Variants in ZYX observed in about 807,000 individuals in gnomAD.
ZYX encodes zyxin, also known as zyxin-2.
ZYX carries 37 observed loss-of-function variants against 58.1 expected under a neutral mutation model. The ratio of observed to expected loss-of-function variants is 0.64; its 90% CI spans 0.49 to 0.84. ZYX has a LOEUF of 0.84. Ranked by LOEUF, ZYX falls within the 40% of genes least tolerant of loss-of-function variation. ZYX has a pLI of 0.00. For missense variants in ZYX, 762 were observed against 761.6 expected (o/e 1.00, Z -0.01); for synonymous variants, 324 against 321.1 (o/e 1.01, Z -0.10).
chr7:143,382,931 A>AGGTTCC lies in ZYX; in HGVS notation c.635_640dup (p.Val212_Pro213dup). ...CCTTCCAGCTCCCAGCCTCTGCCCC[A>AGGTTCC]GGTTCCGGCTCCGGCTCAGAGCCAG... On this transcript the variant is annotated inframe_insertion, in exon 5 of 10. Transcript: ENST00000322764. 5 of 1,613,964 alleles carry AGGTTCC rather than the reference A, an allele frequency of 3.1e-6. No individual in the cohort carries two copies. Among genetic ancestry groups the AGGTTCC allele is most frequent in the South Asian group, 2.2e-5 (2 of 91,058 alleles).
At position 143,382,382 on chromosome 7, in the gene ZYX, C is replaced by T. The variant is rs1804653513; in HGVS notation, c.343C>T (p.Pro115Ser). The T allele has an allele frequency of 6.3e-7, 1 of 1,582,186 alleles. No homozygotes were observed. The highest frequency in any genetic ancestry group is 1.7e-4 in the Middle Eastern group (1 of 5,906). Residue 115 changes from proline (P) to serine (S), a missense_variant, in exon 3 of 10, where the codon CCT becomes TCT. Physicochemically the swap from Pro to Ser is moderately conservative, Grantham distance 74. Transcript: ENST00000322764. The part of the protein sequence containing the change: ...PPAPLEEEIF[P>S]SPPPPPEEEG... ...TGCGCCTCTGGAGGAGGAGATCTTCCCTTCCCCGCCGCCTCCTCCGGAGGA... is the reference window on the plus strand; with the variant it reads ...TGCGCCTCTGGAGGAGGAGATCTTCTCTTCCCCGCCGCCTCCTCCGGAGGA...
rs59995035 is a variant in ZYX, at chr7:143,385,660, C to CTTTTTTTTTTTTTTTTT, written c.1023+2348_1023+2364dup. On this transcript the variant is annotated intron_variant, in intron 5 of 9. Transcript: ENST00000322764. ...TGTGTGAGCGTGTGGTGTGGTATAT[C>CTTTTTTTTTTTTTTTTT]TTTTTTTTTTTTTTTTTTTTTTTTT... 5.4e-4 allele frequency among the ~76,000 whole-genome samples: 37 copies of CTTTTTTTTTTTTTTTTT among 68,958 alleles called. 4 individuals are homozygous for CTTTTTTTTTTTTTTTTT. Among genetic ancestry groups the CTTTTTTTTTTTTTTTTT allele is most frequent in the Admixed American group, 1.7e-3 (7 of 4,202 alleles). The allele number at this position is 68,958 out of a possible 152,430, so 45.2% of individuals were successfully genotyped here.
Position 143,390,509 on chromosome 7 carries a change from G to T in ZYX, c.1615-69G>T. The T allele has an allele frequency of 8.8e-7, 1 of 1,138,088 alleles. No homozygotes were observed. 70.5% of individuals were successfully genotyped at this position (1,138,088 alleles called of 1,614,324 possible). ...TTCTAATTCCAAGATGGAGCTGGAT[G>T]GGGTGGGGTAGGGTGGAGCAGAGCA... On this transcript the variant is annotated intron_variant, in intron 9 of 9. Transcript: ENST00000322764. This position sits in a 1 kb window ranked among gnomAD's most constrained non-coding sequence, Gnocchi z 4.3.
In ZYX at chr7:143,383,261, A is replaced by G; in HGVS notation, c.962A>G (p.Glu321Gly). 1.2e-6 allele frequency: 2 copies of G among 1,613,894 alleles called. No homozygotes were observed. Among genetic ancestry groups the G allele is most frequent in the Non-Finnish European group, 1.7e-6 (2 of 1,179,994 alleles). ...PPSFTYAQQR[E>G]KPRVQEKQHP... ...AGCTTCACCTATGCCCAGCAGAGGG[A>G]GAAGCCCCGAGTGCAGGAGAAGCAG... The change falls in exon 5 of 10, where the codon GAG becomes GGG. Residue 321 changes from glutamate (E) to glycine (G), a missense_variant. By Grantham distance (98) the Glu-to-Gly change is moderately conservative. Transcript: ENST00000322764.
chr7:143,383,850 A>C (rs1185769737), intron 5 of ZYX, among the ~76,000 whole-genome samples: 1 of 152,228 alleles, frequency 6.6e-6, no homozygotes, highest in Admixed American at 6.5e-5. Context: ...CAAGAAGCTC[A>C]GCCTTCAGGT....
Position 143,383,179 on chromosome 7 carries a change from C to A in ZYX, c.880C>A (p.Gln294Lys), listed in dbSNP as rs762207034. 1.5e-5 allele frequency: 24 copies of A among 1,614,176 alleles called. No homozygotes were observed. Among genetic ancestry groups the A allele is most frequent in the South Asian group, 6.6e-5 (6 of 91,084 alleles). The change falls in exon 5 of 10, where the codon CAA becomes AAA. Residue 294 changes from glutamine to lysine, a missense_variant. By Grantham distance (53) the Gln-to-Lys change is moderately conservative (BLOSUM62 1). Transcript: ENST00000322764. ...APGGSGSQPN[Q>K]KLGHPEALSA... ...AGGTGGATCTGGGTCACAACCAAAT[C>A]AAAAATTGGGGCACCCCGAAGCTCT...
rs146983863 is a variant in ZYX, at chr7:143,388,871, C to A, written c.1419C>A (p.Cys473Ter). 1 of 1,613,862 alleles carries A rather than the reference C, an allele frequency of 6.2e-7. No homozygotes were observed. The highest frequency in any genetic ancestry group is 8.5e-7 in the Non-Finnish European group (1 of 1,179,970). ...CGCACTGCTTCACCTGTGTGGTCTG[C>A]GCCCGCCCCCTGGAGGGCACCTCCT... ...YHPHCFTCVV[C>*]ARPLEGTSFI... Residue 473 changes from cysteine to a stop codon, truncating the protein, a stop_gained, in exon 8 of 10, where the codon TGC (cysteine) becomes TGA (stop). Coordinates refer to ENST00000322764, the MANE Select transcript of ZYX (RefSeq NM_003461.5). LOFTEE classifies it high-confidence loss of function. This position sits in a 1 kb window ranked among gnomAD's most constrained non-coding sequence, Gnocchi z 7.5.
In ZYX at chr7:143,389,868, C is replaced by T. The variant is rs757958264; in HGVS notation, c.1505C>T (p.Pro502Leu). ...CVPDYHKQYA[P>L]RCSVCSEPIM... ...TCTGCCCCTTCCAGGCAGTACGCCC[C>T]GAGGTGCTCCGTCTGCTCTGAGCCC... The change falls in exon 9 of 10, where the codon CCG (proline) becomes CTG (leucine). Residue 502 changes from proline to leucine, a missense_variant. Transcript: ENST00000322764. The surrounding 1 kb of genome is among the most constrained non-coding windows in gnomAD (Gnocchi z 5.6). 6.2e-6 allele frequency: 10 copies of T among 1,613,884 alleles called. No individual in the cohort carries two copies. Among genetic ancestry groups the T allele is most frequent in the Admixed American group, 1.7e-5 (1 of 59,996 alleles).
At position 143,390,515 on chromosome 7, in the gene ZYX, G is replaced by C. The variant is rs1805031282; in HGVS notation, c.1615-63G>C. On this transcript the variant is annotated intron_variant, in intron 9 of 9. Transcript: ENST00000322764. The surrounding 1 kb of genome is among the most constrained non-coding windows in gnomAD (Gnocchi z 4.3). ...TTCCAAGATGGAGCTGGATGGGGTG[G>C]GGTAGGGTGGAGCAGAGCAGGGGCC... 17 of 1,214,452 alleles carry C rather than the reference G, an allele frequency of 1.4e-5. No individual in the cohort carries two copies. Among genetic ancestry groups the C allele is most frequent in the Non-Finnish European group, 2.0e-5 (17 of 846,102 alleles). The allele number at this position is 1,214,452 out of a possible 1,614,324, so 75.2% of individuals were successfully genotyped here. A position where few individuals can be genotyped will look rare whatever the true frequency, so the allele number is the denominator to read the frequency against.
chr7:143,388,927 G>C lies in ZYX; in HGVS notation c.1475G>C (p.Cys492Ser). 1 of 1,611,270 alleles carries C rather than the reference G, an allele frequency of 6.2e-7. No individual in the cohort carries two copies. Among genetic ancestry groups the C allele is most frequent in the Non-Finnish European group, 8.5e-7 (1 of 1,179,304 alleles). ...FIVDQANRPHCVPDYHKQYAP... is the reference protein window; with the variant it reads ...FIVDQANRPHSVPDYHKQYAP... ...GTGGACCAGGCCAACCGGCCCCACTGTGTCCCCGACTACCACAAGTGAGGA... is the reference window on the plus strand; with the variant it reads ...GTGGACCAGGCCAACCGGCCCCACTCTGTCCCCGACTACCACAAGTGAGGA... Residue 492 changes from cysteine (C) to serine (S), a missense_variant, in exon 8 of 10, where the codon TGT becomes TCT. Physicochemically the swap from Cys to Ser is moderately radical, Grantham distance 112. Coordinates refer to ENST00000322764, the MANE Select transcript of ZYX (RefSeq NM_003461.5). This position sits in a 1 kb window ranked among gnomAD's most constrained non-coding sequence, Gnocchi z 7.5.
chr7:143,390,292 G>T lies in ZYX; in HGVS notation c.1615-286G>T, dbSNP rs562521520. 7.3e-6 allele frequency: 4 copies of T among 548,394 alleles called. No homozygotes were observed. The South Asian group carries it at 8.4e-5, about 12-fold the overall frequency. The allele number at this position is 548,394 out of a possible 1,614,324, so 34.0% of individuals were successfully genotyped here. Reference sequence around the variant, plus strand: ...ACAGGAGCTGAGAGAAGAGGTCTTCGAATGGAGGTGAGCCAACCTCTATTT... The same window carrying T: ...ACAGGAGCTGAGAGAAGAGGTCTTCTAATGGAGGTGAGCCAACCTCTATTT... On this transcript the variant is annotated intron_variant, in intron 9 of 9. Coordinates refer to ENST00000322764, the MANE Select transcript of ZYX (RefSeq NM_003461.5). This position sits in a 1 kb window ranked among gnomAD's most constrained non-coding sequence, Gnocchi z 4.3.
Position 143,383,227 on chromosome 7 carries a change from C to T in ZYX, c.928C>T (p.Gln310Ter). 6.2e-7 allele frequency: 1 copy of T among 1,614,196 alleles called. No individual in the cohort carries two copies. Among genetic ancestry groups the T allele is most frequent in the South Asian group, 1.1e-5 (1 of 91,092 alleles). ...TCTTTCTGCTGGCACAGGCTCCCCT[C>T]AACCTCCCAGCTTCACCTATGCCCA... Reference protein sequence around the residue: ...EALSAGTGSPQPPSFTYAQQR... With the variant: ...EALSAGTGSP The change falls in exon 5 of 10, where the codon CAA (glutamine) becomes TAA (stop). Residue 310 changes from glutamine to a stop codon, truncating the protein, a stop_gained. Coordinates refer to ENST00000322764, the MANE Select transcript of ZYX (RefSeq NM_003461.5). LOFTEE classifies it high-confidence loss of function.
chr7:143,382,228 C>G lies in ZYX; in HGVS notation c.209-20C>G. ...GGGGTAGAGGGACCCCGGCCGACGT[C>G]TTTCTCCTTCCTACCCCAGACTTTC... On this transcript the variant is annotated intron_variant, in intron 2 of 9. Transcript: ENST00000322764. 1 of 1,609,476 alleles carries G rather than the reference C, an allele frequency of 6.2e-7. No homozygotes were observed.
Position 143,390,524 on chromosome 7 carries a change from G to A in ZYX, c.1615-54G>A. On this transcript the variant is annotated intron_variant, in intron 9 of 9. Coordinates refer to ENST00000322764, the MANE Select transcript of ZYX (RefSeq NM_003461.5). The surrounding 1 kb of genome is among the most constrained non-coding windows in gnomAD (Gnocchi z 4.3). ...GGAGCTGGATGGGGTGGGGTAGGGT[G>A]GAGCAGAGCAGGGGCCTTCCGGTCC... The A allele has an allele frequency of 7.5e-7, 1 of 1,328,544 alleles. No homozygotes were observed. The highest frequency in any genetic ancestry group is 1.1e-6 in the Non-Finnish European group (1 of 947,690). The allele number at this position is 1,328,544 out of a possible 1,614,324, so 82.3% of individuals were successfully genotyped here.
In ZYX at chr7:143,381,615, C is replaced by T. The variant is rs1282068653; in HGVS notation, c.44C>T (p.Ser15Leu). 3.7e-6 allele frequency: 6 copies of T among 1,612,020 alleles called. No individual in the cohort carries two copies. The African/African-American group carries it at 6.7e-5, about 18-fold the overall frequency. ...RPSPAISVSV[S>L]APAFYAPQKK... ...TCTCCCGCGATCTCCGTTTCGGTCT[C>T]GGCTCCGGCTTTTTACGCCCCGCAG... is the stretch of plus-strand genomic sequence containing the variant. Residue 15 changes from serine (S) to leucine (L), a missense_variant, in exon 2 of 10, where the codon TCG becomes TTG. Physicochemically the swap from Ser to Leu is moderately radical, Grantham distance 145 (BLOSUM62 -2). Transcript: ENST00000322764.
intron 4 of ZYX, 48 bp downstream of exon 4, chr7:143,382,733 T>A: frequency 6.2e-7 from 1 of 1,613,992 alleles, no homozygotes; most frequent in Non-Finnish European, 8.5e-7. Flanking sequence ...CCAGAGAGAC[T>A]GGGCATAGAA....
chr7:143,381,719 C>A lies in ZYX; in HGVS notation c.148C>A (p.Pro50Thr). The A allele has an allele frequency of 6.2e-7, 1 of 1,602,188 alleles. No homozygotes were observed. The highest frequency in any genetic ancestry group is 8.5e-7 in the Non-Finnish European group (1 of 1,175,048). Residue 50 changes from proline to threonine, a missense_variant, in exon 2 of 10, where the codon CCC becomes ACC. Pro to Thr is a conservative substitution (Grantham distance 38, BLOSUM62 -1). Coordinates refer to ENST00000322764, the MANE Select transcript of ZYX (RefSeq NM_003461.5). ...RPGDSEPPPA[P>T]GAQRAQMGRV... Reference sequence around the variant, plus strand: ...CGGGGACAGCGAGCCTCCCCCGGCACCCGGGGCCCAGCGCGCACAGATGGG... The same window carrying A: ...CGGGGACAGCGAGCCTCCCCCGGCAACCGGGGCCCAGCGCGCACAGATGGG...
chr7:143,389,975 G>C lies in ZYX; in HGVS notation c.1612G>C (p.Glu538Gln). 6.2e-7 allele frequency: 1 copy of C among 1,613,998 alleles called. No individual in the cohort carries two copies. ...KNFHMKCYKC[E>Q]DCGKPLSIEA... The stretch of plus-strand genomic sequence containing the variant: ...CTTCCACATGAAGTGTTACAAGTGT[G>C]AGGTCAGCCATCCCTCTGGACTCCT... The change falls in exon 9 of 10, where the codon GAG becomes CAG. Residue 538 changes from glutamate (E) to glutamine (Q), a missense_variant and splice_region_variant. Transcript: ENST00000322764. The surrounding 1 kb of genome is among the most constrained non-coding windows in gnomAD (Gnocchi z 5.6).
Position 143,384,697 on chromosome 7 carries a change from G to T in ZYX, c.1023+1375G>T, listed in dbSNP as rs906791727. Among the ~76,000 whole-genome samples, 3 of 152,144 alleles carry T rather than the reference G, an allele frequency of 2.0e-5. No individual in the cohort carries two copies. The highest frequency in any genetic ancestry group is 4.8e-5 in the African/African-American group (2 of 41,434). The stretch of plus-strand genomic sequence containing the variant: ...GCTGTTGGGAAGGCACAGCCTCCAG[G>T]ACTTAGCAAGGGATGAGCAATTGGA... On this transcript the variant is annotated intron_variant, in intron 5 of 9. Transcript: ENST00000322764. The surrounding 1 kb of genome is among the most constrained non-coding windows in gnomAD (Gnocchi z 4.9).
Sources: gnomAD v4.1 joint callset for allele counts (sites outside exome capture counted in the v4.1 genomes callset) on GRCh38, gnomAD v4.1.1 for gene constraint, Gnocchi (gnomAD v3.1) non-coding constraint, MANE v1.5 for transcripts, NCBI Gene and HGNC (gene_info 2026-07-23, HGNC 2026-07-21) for gene names.